Variants in ATAD2 observed in about 807,000 individuals in gnomAD.
The protein encoded by ATAD2 is ATPase family AAA domain-containing protein 2.
Under a neutral mutation model 168.9 loss-of-function variants are expected in ATAD2, and 62 were observed. The observed-to-expected ratio is 0.37, with a 90% CI of 0.30 to 0.45. The LOEUF is 0.45. Ranked by LOEUF, ATAD2 falls within the 20% of genes least tolerant of loss-of-function variation. The pLI, the probability that ATAD2 is intolerant of heterozygous loss-of-function variation, is 1.00. For synonymous variants in ATAD2, 613 were observed against 571.6 expected (o/e 1.07, Z -1.03); for missense variants, 1,419 against 1,667.8 (o/e 0.85, Z 2.60).
At chr8:123,415,460 A>C (rs1476827001) in intron 1 of ATAD2, among the ~76,000 whole-genome samples, 2 of 152,242 alleles carry the variant, frequency 1.3e-5, no homozygotes, top group Admixed American at 1.3e-4. Context: ...TAAACATCTC[A>C]GTTTTTATAA....
intron 18 of ATAD2, among the ~76,000 whole-genome samples, chr8:123,345,543 G>A (rs1202996477): frequency 2.0e-5 from 3 of 151,188 alleles, no homozygotes; most frequent in African/African-American, 7.3e-5. Context: ...TGGGTGTGGC[G>A]GCATGCATTG....
chr8:123,343,949 G>A (rs1258359222), intron 19 of ATAD2, among the ~76,000 whole-genome samples: 1 of 152,166 alleles, frequency 6.6e-6, no homozygotes, highest in Non-Finnish European at 1.5e-5. Flanking sequence ...GAAGCAGTAT[G>A]GCCTTTTGTT....
chr8:123,360,158 T>C (rs1349502675), intron 9 of ATAD2, among the ~76,000 whole-genome samples: 1 of 152,192 alleles, frequency 6.6e-6, no homozygotes, highest in East Asian at 1.9e-4. Flanking sequence ...GATTAACTGA[T>C]TTGTCCAAGA....
At chr8:123,329,742 G>A (rs1175124927) in intron 24 of ATAD2, among the ~76,000 whole-genome samples, 1 of 49,230 alleles carries the variant, frequency 2.0e-5, no homozygotes, top group Non-Finnish European at 3.5e-5. Context: ...ACGCAACTCC[G>A]TCTCAAAAAA....
At chr8:123,357,365 C>A (rs996857871) in intron 12 of ATAD2, among the ~76,000 whole-genome samples, 197 bp downstream of exon 12, 1 of 152,192 alleles carries the variant, frequency 6.6e-6, no homozygotes, top group African/African-American at 2.4e-5. Flanking sequence ...CCAATTATTT[C>A]TTTCCCTTCT....
At position 123,328,371 on chromosome 8, in the gene ATAD2, C is replaced by T; in HGVS notation, c.3687G>A (p.Gln1229=). Residue 1229 remains glutamine, a synonymous_variant, in exon 25 of 28, where the codon CAG becomes CAA. Transcript: ENST00000287394. ...CCAGTTTGCTTTCAGAGGCATTTTG[C>T]TGTTTTTCATTTTCTTCCACCGAAG... The part of the protein sequence containing the change: ...GESSVEENEK[Q]QNASESKLEL... 6.2e-7 allele frequency: 1 copy of T among 1,601,630 alleles called. No homozygotes were observed. Among genetic ancestry groups the T allele is most frequent in the Non-Finnish European group, 8.5e-7 (1 of 1,176,046 alleles).
chr8:123,391,782 C>T (rs947665662), intron 1 of ATAD2, among the ~76,000 whole-genome samples: 1 of 152,284 alleles, frequency 6.6e-6, no homozygotes, highest in Admixed American at 6.5e-5. Context: ...AGGCATGTTT[C>T]ATTTTTGGTA....
chr8:123,406,061 A>G (rs571593212), intron 1 of ATAD2, among the ~76,000 whole-genome samples: 21 of 152,278 alleles, frequency 1.4e-4, no homozygotes, highest in Middle Eastern at 3.4e-3. Flanking sequence ...AAGTCAGAAT[A>G]TTGATATTCT....
chr8:123,378,486 G>T (rs2129824475), intron 2 of ATAD2, among the ~76,000 whole-genome samples: 1 of 152,116 alleles, frequency 6.6e-6, no homozygotes, highest in South Asian at 2.1e-4. Context: ...TGGATCACCT[G>T]AAGTCAGGAG....
At chr8:123,411,707 C>T (rs951714293) in intron 1 of ATAD2, among the ~76,000 whole-genome samples, 2 of 152,128 alleles carry the variant, frequency 1.3e-5, no homozygotes, top group Non-Finnish European at 2.9e-5. Context: ...TGGGTCCCCT[C>T]CCTTTGTATG....
At chr8:123,409,228 A>G (rs1813116931) in intron 1 of ATAD2, among the ~76,000 whole-genome samples, 1 of 152,192 alleles carries the variant, frequency 6.6e-6, no homozygotes, top group Admixed American at 6.5e-5. Context: ...TATGGTACAC[A>G]GCAGTGAGTC....
intron 1 of ATAD2, among the ~76,000 whole-genome samples, chr8:123,381,603 T>G (rs1013928623): frequency 6.6e-6 from 1 of 152,190 alleles, no homozygotes; most frequent in African/African-American, 2.4e-5. Context: ...ATAAATAGAC[T>G]AGAGGCTAAG....
At chr8:123,371,528 C>A in intron 4 of ATAD2, 142 bp downstream of exon 4, 1 of 849,236 alleles carries the variant, frequency 1.2e-6, no homozygotes, top group East Asian at 2.8e-5. Flanking sequence ...AGAATTGTCA[C>A]AAAGACCTCT....
At chr8:123,327,330 T>C (rs547888854) in intron 25 of ATAD2, among the ~76,000 whole-genome samples, 3 of 152,108 alleles carry the variant, frequency 2.0e-5, no homozygotes, top group Non-Finnish European at 4.4e-5. Context: ...AAGAAAATGA[T>C]AAAAGAAAAA....
At chr8:123,324,283 TA>T (rs777540919) in intron 26 of ATAD2, among the ~76,000 whole-genome samples, 3 of 152,206 alleles carry the variant, frequency 2.0e-5, no homozygotes, top group Non-Finnish European at 2.9e-5. Flanking sequence ...ACTTTGTACT[TA>T]AACAGGGCAG....
intron 8 of ATAD2, among the ~76,000 whole-genome samples, chr8:123,366,217 GAT>G (rs1196963753): frequency 1.3e-5 from 2 of 152,102 alleles, no homozygotes; most frequent in African/African-American, 4.8e-5. Flanking sequence ...ACCACAATGT[GAT>G]ACCACCTTAC....
At chr8:123,329,846 C>T (rs754032969) in intron 24 of ATAD2, among the ~76,000 whole-genome samples, 17 of 149,600 alleles carry the variant, frequency 1.1e-4, no homozygotes, top group Admixed American at 5.4e-4. Flanking sequence ...AACTAAGGTA[C>T]AGAGAGGTTA....
intron 21 of ATAD2, 109 bp downstream of exon 21, chr8:123,337,516 G>C (rs1827952155): frequency 9.6e-7 from 1 of 1,042,750 alleles, no homozygotes; most frequent in South Asian, 2.1e-5. Flanking sequence ...TTTCCAAATA[G>C]ATAAAACTAG....
intron 13 of ATAD2, among the ~76,000 whole-genome samples, chr8:123,351,744 T>G (rs1828467486): frequency 6.6e-6 from 1 of 150,930 alleles, no homozygotes; most frequent in African/African-American, 2.4e-5. Context: ...TATTAAAAAC[T>G]GATGTTTTTT....
Sources: allele counts gnomAD v4.1 joint callset (sites outside exome capture counted in the v4.1 genomes callset), GRCh38; gene constraint gnomAD v4.1.1; transcripts MANE v1.5; gene names NCBI Gene and HGNC (gene_info 2026-07-23, HGNC 2026-07-21).